Variants in DNAH9 observed in about 807,000 individuals in gnomAD.
DNAH9 encodes the protein DNAH9 variant protein.
Under a neutral mutation model 471.6 loss-of-function variants are expected in DNAH9, and 345 were observed. The ratio of observed to expected loss-of-function variants is 0.73; its 90% CI spans 0.67 to 0.80. DNAH9 has a LOEUF of 0.80. Ranked by LOEUF, DNAH9 falls within the 30% of genes least tolerant of loss-of-function variation. DNAH9 has a pLI of 0.00. For synonymous variants in DNAH9, 2,093 were observed against 2,123.6 expected (o/e 0.99, Z 0.40); for missense variants, 5,407 against 5,609.2 (o/e 0.96, Z 1.15).
chr17:11,809,765 T>C, intron 44 of DNAH9, among the ~76,000 whole-genome samples: 1 of 137,108 alleles, frequency 7.3e-6, no homozygotes, highest in East Asian at 2.0e-4. Context: ...TGTAAGTAAG[T>C]CTTCCATATA....
intron 45 of DNAH9, among the ~76,000 whole-genome samples, chr17:11,814,793 G>T (rs558429942): frequency 6.6e-6 from 1 of 152,262 alleles, no homozygotes; most frequent in East Asian, 1.9e-4. Context: ...AGCTAGGGTT[G>T]ACATGTTAGT....
intron 43 of DNAH9, among the ~76,000 whole-genome samples, chr17:11,801,665 T>A (rs915359338): frequency 1.3e-5 from 2 of 151,970 alleles, no homozygotes; most frequent in African/African-American, 4.8e-5. Context: ...CACTCCAGCC[T>A]GGGCAACAAG....
chr17:11,756,710 C>T, intron 34 of DNAH9, 34 bp downstream of exon 34: 3 of 1,360,768 alleles, frequency 2.2e-6, no homozygotes, highest in Non-Finnish European at 3.2e-6. Context: ...CACAAAGCTA[C>T]TCCACTTAGG....
chr17:11,878,717 T>A (rs530976825), intron 53 of DNAH9, among the ~76,000 whole-genome samples: 1 of 151,966 alleles, frequency 6.6e-6, no homozygotes, highest in Non-Finnish European at 1.5e-5. Context: ...CACCATGCCC[T>A]GCTAATTTTT....
Position 11,902,765 on chromosome 17 carries a change from A to T in DNAH9, c.11453A>T (p.Glu3818Val). 6.2e-7 allele frequency: 1 copy of T among 1,614,058 alleles called. No homozygotes were observed. The highest frequency in any genetic ancestry group is 8.5e-7 in the Non-Finnish European group (1 of 1,179,922). ...TTCTCTAATCTGGATCGGGACATAG[A>T]GGGATCTGCTAAGAGCTGGAAAAAG... ...EEFSNLDRDI[E>V]GSAKSWKKFV... is the part of the protein sequence containing the mutation. Residue 3818 changes from glutamate to valine, a missense_variant, in exon 60 of 69, where the codon GAG (glutamate) becomes GTG (valine). By Grantham distance (121) the Glu-to-Val change is moderately radical. This residue lies in a region of DNAH9 where 4,636 missense variants were observed against 4,900.3 expected (regional missense o/e 0.95). Coordinates refer to ENST00000262442, the MANE Select transcript of DNAH9 (RefSeq NM_001372.4).
chr17:11,641,074 T>G (rs1304825620), intron 10 of DNAH9, among the ~76,000 whole-genome samples: 1 of 152,008 alleles, frequency 6.6e-6, no homozygotes, highest in Non-Finnish European at 1.5e-5. Flanking sequence ...AGCACACAGG[T>G]TTTGGAAAAC....
In DNAH9 at chr17:11,801,468, T is replaced by G. The variant is rs142455204; in HGVS notation, c.8420+3675T>G. ...ACTTTGGGAGGCCGATGCGGGTGGA[T>G]CACCTGAGGTCAGGAGTTTGAGGCC... On this transcript the variant is annotated intron_variant, in intron 43 of 68. Coordinates refer to ENST00000262442, the MANE Select transcript of DNAH9 (RefSeq NM_001372.4). Among the ~76,000 whole-genome samples the G allele has an allele frequency of 1.6e-4, 25 of 152,260 alleles. 2 individuals are homozygous for G. The highest frequency in any genetic ancestry group is 6.0e-4 in the African/African-American group (25 of 41,534).
intron 59 of DNAH9, among the ~76,000 whole-genome samples, chr17:11,901,066 G>C (rs1973394271): frequency 6.6e-6 from 1 of 152,204 alleles, no homozygotes; most frequent in Non-Finnish European, 1.5e-5. Context: ...GAGCTCCCAA[G>C]CAGGCTGCAA....
intron 1 of DNAH9, among the ~76,000 whole-genome samples, chr17:11,599,502 C>T (rs556101223): frequency 6.6e-6 from 1 of 152,280 alleles, no homozygotes; most frequent in African/African-American, 2.4e-5. Context: ...TAGCAAAGGT[C>T]AGCCCTGTGC....
At chr17:11,852,462 G>T (rs1284834074) in intron 49 of DNAH9, among the ~76,000 whole-genome samples, 4 of 151,972 alleles carry the variant, frequency 2.6e-5, no homozygotes, top group Non-Finnish European at 5.9e-5. Flanking sequence ...GTTTATATTG[G>T]CGGATCCCCT....
intron 38 of DNAH9, among the ~76,000 whole-genome samples, chr17:11,772,562 A>C (rs1321765901): frequency 6.6e-6 from 1 of 152,168 alleles, no homozygotes; most frequent in Non-Finnish European, 1.5e-5. Flanking sequence ...TCCTAGGTTC[A>C]AGCGATTCTC....
At position 11,902,845 on chromosome 17, in the gene DNAH9, A is replaced by G. The variant is rs765103759; in HGVS notation, c.11533A>G (p.Lys3845Glu). The G allele has an allele frequency of 1.2e-6, 2 of 1,614,000 alleles. No individual in the cohort carries two copies. Among genetic ancestry groups the G allele is most frequent in the South Asian group, 1.1e-5 (1 of 91,078 alleles). The part of the protein sequence containing the change: ...KEKLPQEWKN[K>E]TALQRLCMLR... Reference sequence around the variant, plus strand: ...GAAGCTCCCACAGGAGTGGAAGAACAAGACAGCCCTGCAGCGCCTCTGCAT... The same window carrying G: ...GAAGCTCCCACAGGAGTGGAAGAACGAGACAGCCCTGCAGCGCCTCTGCAT... The change falls in exon 60 of 69, where the codon AAG becomes GAG. Residue 3845 changes from lysine to glutamate, a missense_variant. Lys to Glu is a moderately conservative substitution (Grantham distance 56). Around this residue, in one of 3 missense-constraint regions of DNAH9, gnomAD observed 4,636 missense variants for 4,900.3 expected, o/e 0.95. Coordinates refer to ENST00000262442, the MANE Select transcript of DNAH9 (RefSeq NM_001372.4).
chr17:11,734,428 C>T (rs2075313983), intron 28 of DNAH9, among the ~76,000 whole-genome samples: 3 of 152,210 alleles, frequency 2.0e-5, no homozygotes, highest in Admixed American at 6.5e-5. Context: ...TAAAAACTTT[C>T]CACATGGTTC....
intron 67 of DNAH9, among the ~76,000 whole-genome samples, chr17:11,945,365 C>T (rs985620781): frequency 1.3e-5 from 2 of 151,882 alleles, no homozygotes; most frequent in African/African-American, 4.8e-5. Flanking sequence ...GGCAAAACCC[C>T]GTCTCTACTA....
chr17:11,784,521 T>C lies in DNAH9; in HGVS notation c.8043T>C (p.Asp2681=). ...TCCACTACATCTTCAACCTCAGAGA[T>C]TTTGCCAACATTTTCCAGGTGAGTT... ...IKFHYIFNLR[D]FANIFQGILF... Residue 2681 remains aspartate (D), a synonymous_variant, in exon 41 of 69, where the codon GAT becomes GAC. Coordinates refer to ENST00000262442, the MANE Select transcript of DNAH9 (RefSeq NM_001372.4). 1 of 1,614,080 alleles carries C rather than the reference T, an allele frequency of 6.2e-7. No homozygotes were observed. Among genetic ancestry groups the C allele is most frequent in the Non-Finnish European group, 8.5e-7 (1 of 1,180,004 alleles).
At chr17:11,669,321 TC>T (rs757027878) in intron 16 of DNAH9, 48 bp from the exon 17 acceptor site, 1 of 1,595,670 alleles carries the variant, frequency 6.3e-7, no homozygotes, top group South Asian at 1.1e-5. Context: ...ATCTCGAACT[TC>T]CTGCCACACA....
At chr17:11,961,451 G>A (rs1191134927) in intron 67 of DNAH9, among the ~76,000 whole-genome samples, 1 of 152,202 alleles carries the variant, frequency 6.6e-6, no homozygotes, top group Non-Finnish European at 1.5e-5. Flanking sequence ...CTGATTTGGG[G>A]GAATATAGAT....
At chr17:11,881,469 C>T in intron 55 of DNAH9, 56 bp downstream of exon 55, 1 of 1,540,814 alleles carries the variant, frequency 6.5e-7, no homozygotes. Context: ...GTACTCCACT[C>T]TGGGAGAGGT....
chr17:11,906,716 A>G (rs1364466274), intron 61 of DNAH9, among the ~76,000 whole-genome samples: 1 of 152,142 alleles, frequency 6.6e-6, no homozygotes, highest in African/African-American at 2.4e-5. Context: ...TGTCCTTTTC[A>G]GGGATGTGAA....
Sources: gnomAD v4.1 joint callset for allele counts (sites outside exome capture counted in the v4.1 genomes callset) on GRCh38, gnomAD v4.1.1 for gene constraint, gnomAD v4.1.1 regional missense constraint, MANE v1.5 for transcripts, NCBI Gene and HGNC (gene_info 2026-07-23, HGNC 2026-07-21) for gene names.